SMIM20: variants seen among roughly 807,000 people sequenced by gnomAD.
The protein encoded by SMIM20 is small integral membrane protein 20.
SMIM20 carries 3 observed loss-of-function variants against 8.7 expected under a neutral mutation model. The ratio of observed to expected loss-of-function variants is 0.34; its 90% CI spans 0.16 to 0.89. SMIM20 has a LOEUF of 0.89. SMIM20 is among the 40% of genes least tolerant of loss of function. The pLI is 0.49. For synonymous variants in SMIM20, 44 were observed against 33.6 expected (o/e 1.31, Z -1.07); for missense variants, 85 against 84.8 (o/e 1.00, Z -0.01).
chr4:25,923,364 C>A (rs7664710), intron 1 of SMIM20, among the ~76,000 whole-genome samples: 4,822 of 152,232 alleles, frequency 0.032, 236 homozygotes, highest in African/African-American at 0.11. Flanking sequence ...AGAATAAGAT[C>A]ATTTTCTGTG....
intron 1 of SMIM20, among the ~76,000 whole-genome samples, chr4:25,927,404 A>C (rs1396336397): frequency 1.3e-5 from 2 of 152,248 alleles, no homozygotes; most frequent in Non-Finnish European, 2.9e-5. Flanking sequence ...GTGTAACTTT[A>C]TGAGAATCCA....
At chr4:25,922,738 T>G (rs555066035) in intron 1 of SMIM20, among the ~76,000 whole-genome samples, 2 of 152,272 alleles carry the variant, frequency 1.3e-5, no homozygotes, top group South Asian at 4.2e-4. Flanking sequence ...GGGTTACTGG[T>G]AAAAGCAAGA....
At chr4:25,920,019 T>C (rs1473349765) in intron 1 of SMIM20, among the ~76,000 whole-genome samples, 4 of 152,246 alleles carry the variant, frequency 2.6e-5, no homozygotes, top group Admixed American at 2.6e-4. Flanking sequence ...CTGTTACTAC[T>C]TCTTTGGTAA....
chr4:25,926,367 G>T (rs1215737928), intron 1 of SMIM20, among the ~76,000 whole-genome samples: 2 of 152,222 alleles, frequency 1.3e-5, no homozygotes, highest in African/African-American at 4.8e-5. Context: ...AGAACCAGGG[G>T]ATGTAGATAG....
At chr4:25,923,433 C>T (rs918785308) in intron 1 of SMIM20, among the ~76,000 whole-genome samples, 4 of 152,134 alleles carry the variant, frequency 2.6e-5, no homozygotes, top group Non-Finnish European at 5.9e-5. Context: ...TAGGGTTTGA[C>T]CAGAAGGGGC....
intron 1 of SMIM20, among the ~76,000 whole-genome samples, chr4:25,922,899 C>T (rs1020218367): frequency 1.3e-5 from 2 of 152,184 alleles, no homozygotes; most frequent in Non-Finnish European, 2.9e-5. Context: ...GAAGGGGAAG[C>T]CTGCTTAGGT....
chr4:25,924,204 G>A (rs1304186707), intron 1 of SMIM20, among the ~76,000 whole-genome samples: 1 of 152,136 alleles, frequency 6.6e-6, no homozygotes, highest in South Asian at 2.1e-4. Context: ...AGCAACAAAA[G>A]CAACTGAAAA....
intron 1 of SMIM20, among the ~76,000 whole-genome samples, chr4:25,917,352 A>G (rs1719107545): frequency 6.6e-6 from 1 of 152,136 alleles, no homozygotes; most frequent in African/African-American, 2.4e-5. Flanking sequence ...TAAATGGGGT[A>G]ACAGGTGTGG....
rs1216528886 is a variant in SMIM20 at position 25,914,394 on chromosome 4, C to A, written c.81C>A (p.Phe27Leu). 4 of 1,533,480 alleles carry A rather than the reference C, an allele frequency of 2.6e-6. No homozygotes were observed. Among genetic ancestry groups the A allele is most frequent in the Non-Finnish European group, 3.5e-6 (4 of 1,135,938 alleles). 95.0% of individuals were successfully genotyped at this position (1,533,480 alleles called of 1,614,324 possible). ...LIGAAFYPIYFRPLMRLEEYK... is the reference protein window; with the variant it reads ...LIGAAFYPIYLRPLMRLEEYK... ...GCGCCGCCTTCTATCCCATCTACTT[C>A]CGGCCCCTAATGAGATTGGAGGAGT... The change falls in exon 1 of 3, where the codon TTC (phenylalanine) becomes TTA (leucine). Residue 27 changes from phenylalanine (F) to leucine (L), a missense_variant. Phe to Leu is a conservative substitution (Grantham distance 22). Coordinates refer to ENST00000506197, the MANE Select transcript of SMIM20 (RefSeq NM_001145432.3).
intron 1 of SMIM20, 113 bp downstream of exon 1, chr4:25,914,535 C>T: frequency 9.1e-7 from 1 of 1,095,292 alleles, no homozygotes; most frequent in South Asian, 2.4e-5. Flanking sequence ...TAGGGAGAGC[C>T]GGGTTCGAAT....
intron 1 of SMIM20, among the ~76,000 whole-genome samples, chr4:25,915,345 C>T (rs973824347): frequency 6.6e-6 from 1 of 152,170 alleles, no homozygotes; most frequent in Non-Finnish European, 1.5e-5. Flanking sequence ...ATTAGAGGCT[C>T]ATTTTGTTCA....
intron 1 of SMIM20, among the ~76,000 whole-genome samples, chr4:25,914,706 T>G (rs1351327977): frequency 6.6e-6 from 1 of 152,210 alleles, no homozygotes; most frequent in Non-Finnish European, 1.5e-5. Context: ...CTCACATAAG[T>G]CGACGCTAAG....
rs1711587956 is a variant in SMIM20 at position 25,929,252 on chromosome 4, G to A, written c.*61G>A. 6.6e-7 allele frequency: 1 copy of A among 1,523,010 alleles called. No homozygotes were observed. Among genetic ancestry groups the A allele is most frequent in the African/African-American group, 1.4e-5 (1 of 72,372 alleles). 94.3% of individuals were successfully genotyped at this position (1,523,010 alleles called of 1,614,324 possible). A position where few individuals can be genotyped will look rare whatever the true frequency, so the allele number is the denominator to read the frequency against. Reference sequence around the variant, plus strand: ...TTCTTCATGCTTTCGATTCTGCATGGGGTACAGCCAGTCACCTCACCAGAG... The same window carrying A: ...TTCTTCATGCTTTCGATTCTGCATGAGGTACAGCCAGTCACCTCACCAGAG... On this transcript the variant is annotated 3_prime_UTR_variant, in exon 3 of 3. Transcript: ENST00000506197.
chr4:25,922,582 C>T (rs1196595531), intron 1 of SMIM20, among the ~76,000 whole-genome samples: 1 of 152,200 alleles, frequency 6.6e-6, no homozygotes, highest in East Asian at 1.9e-4. Context: ...TTTGCTCCTG[C>T]CTTTCAGCCA....
intron 1 of SMIM20, 28 bp from the exon 2 acceptor site, chr4:25,928,285 A>T (rs1711563580): frequency 6.5e-7 from 1 of 1,547,508 alleles, no homozygotes; most frequent in Non-Finnish European, 8.7e-7. Context: ...CCCCTTCTAA[A>T]GAATGATTTT....
chr4:25,918,864 G>A (rs565069933), intron 1 of SMIM20, among the ~76,000 whole-genome samples: 14 of 143,448 alleles, frequency 9.8e-5, no homozygotes, highest in Non-Finnish European at 1.4e-4. Context: ...CCTTATACAC[G>A]CAGACTTTGT....
intron 1 of SMIM20, among the ~76,000 whole-genome samples, chr4:25,915,127 C>G (rs757089551): frequency 6.6e-6 from 1 of 152,140 alleles, no homozygotes; most frequent in Non-Finnish European, 1.5e-5. Flanking sequence ...TCTTTTTCCT[C>G]AAATTGTTTT....
chr4:25,915,965 C>T (rs764940650), intron 1 of SMIM20, among the ~76,000 whole-genome samples: 6 of 151,742 alleles, frequency 4.0e-5, no homozygotes, highest in Non-Finnish European at 1.5e-5. Context: ...CAAAGAATTA[C>T]CCAGCTTAAA....
chr4:25,917,572 AC>A (rs1719111575), intron 1 of SMIM20, among the ~76,000 whole-genome samples: 1 of 152,160 alleles, frequency 6.6e-6, no homozygotes, highest in Admixed American at 6.5e-5. Context: ...AACACATTCA[AC>A]TAGCATTTAT....
Sources: gnomAD v4.1 joint callset for allele counts (sites outside exome capture counted in the v4.1 genomes callset) on GRCh38, gnomAD v4.1.1 for gene constraint, MANE v1.5 for transcripts, NCBI Gene and HGNC (gene_info 2026-07-23, HGNC 2026-07-21) for gene names.